The following USP45 variants were observed in gnomAD, a reference collection of about 807,000 sequenced individuals.
The protein encoded by USP45 is ubiquitin specific peptidase 45.
A neutral mutation model predicts 95.8 loss-of-function variants in USP45; 89 were observed. The ratio of observed to expected loss-of-function variants is 0.93; its 90% CI spans 0.78 to 1.11. USP45 has a LOEUF of 1.11. Ranked by LOEUF, USP45 falls within the 50% of genes least tolerant of loss-of-function variation. USP45 has a pLI of 0.00. For missense variants in USP45, 898 were observed against 942.5 expected (o/e 0.95, Z 0.62); for synonymous variants, 281 against 316.2 (o/e 0.89, Z 1.18).
At chr6:99,440,921 G>T (rs1781400976) in intron 15 of USP45, among the ~76,000 whole-genome samples, 1 of 152,084 alleles carries the variant, frequency 6.6e-6, no homozygotes, top group Non-Finnish European at 1.5e-5. Context: ...TTGCTGTTGA[G>T]AAACTACCCC....
intron 8 of USP45, among the ~76,000 whole-genome samples, chr6:99,479,412 G>A (rs1791758998): frequency 6.6e-6 from 1 of 151,378 alleles, no homozygotes; most frequent in African/African-American, 2.4e-5. Context: ...ATGTTGTCCT[G>A]GCTAGTCTCA....
intron 8 of USP45, among the ~76,000 whole-genome samples, chr6:99,476,703 G>A (rs1442469501): frequency 6.6e-6 from 1 of 152,184 alleles, no homozygotes; most frequent in Admixed American, 6.5e-5. Flanking sequence ...CAGCAGTATT[G>A]TTTAAATCAT....
intron 13 of USP45, chr6:99,462,400 A>G: frequency 4.1e-6 from 4 of 984,438 alleles, no homozygotes; most frequent in Non-Finnish European, 3.6e-6. Context: ...GGCCAGTACC[A>G]CAGAATCTCC....
At chr6:99,497,700 T>C (rs1413588597) in intron 5 of USP45, among the ~76,000 whole-genome samples, 3 of 152,196 alleles carry the variant, frequency 2.0e-5, no homozygotes, top group Non-Finnish European at 2.9e-5. Flanking sequence ...GCCACTTCTC[T>C]GCTTAAAACT....
At chr6:99,450,187 G>A in intron 13 of USP45, among the ~76,000 whole-genome samples, 1 of 151,922 alleles carries the variant, frequency 6.6e-6, no homozygotes, top group Non-Finnish European at 1.5e-5. Flanking sequence ...GATCAGAGCA[G>A]AACTGAAAGA....
chr6:99,443,617 A>G lies in USP45; in HGVS notation c.2021T>C (p.Leu674Pro). 6.2e-7 allele frequency: 1 copy of G among 1,609,234 alleles called. No homozygotes were observed. The highest frequency in any genetic ancestry group is 8.5e-7 in the Non-Finnish European group (1 of 1,177,274). ...GVYTNARKQL[L>P]ISAVPAVLIL... ...TAGGACAGCTGGAACAGCAGAAATG[A>G]GCAATTGCTTCCTGGCATTAGTATA... is the stretch of plus-strand genomic sequence containing the variant. Residue 674 changes from leucine to proline, a missense_variant, in exon 15 of 18, where the codon CTC (leucine) becomes CCC (proline). Transcript: ENST00000500704.
At chr6:99,441,929 T>C (rs1185719889) in intron 15 of USP45, among the ~76,000 whole-genome samples, 1 of 152,218 alleles carries the variant, frequency 6.6e-6, no homozygotes, top group Non-Finnish European at 1.5e-5. Context: ...CATTTAAGTG[T>C]TGTGGATGTT....
intron 7 of USP45, among the ~76,000 whole-genome samples, chr6:99,484,027 A>ATTTTTTTT (rs1295214435): frequency 7.0e-4 from 6 of 8,620 alleles, no homozygotes; most frequent in Non-Finnish European, 1.1e-3. Context: ...TTTTTTTTTA[A>ATTTTTTTT]AGAGACAGGG....
chr6:99,472,005 C>T (rs1210143160), intron 9 of USP45, among the ~76,000 whole-genome samples: 1 of 152,150 alleles, frequency 6.6e-6, no homozygotes, highest in Admixed American at 6.6e-5. Flanking sequence ...CTTTCAAAAC[C>T]AATGTGTCCT....
At chr6:99,464,772 C>A (rs1196031123) in intron 12 of USP45, 25 bp from the exon 13 acceptor site, 1 of 1,561,292 alleles carries the variant, frequency 6.4e-7, no homozygotes, top group Non-Finnish European at 8.6e-7. Context: ...CATACAGAAA[C>A]CAAAACCTCT....
intron 9 of USP45, among the ~76,000 whole-genome samples, chr6:99,470,107 T>C (rs1789026003): frequency 6.8e-6 from 1 of 147,746 alleles, no homozygotes; most frequent in African/African-American, 2.4e-5. Flanking sequence ...GTGACACCTA[T>C]ACATCAGATA....
chr6:99,508,015 GT>G (rs1292976334), intron 3 of USP45, among the ~76,000 whole-genome samples: 1 of 151,858 alleles, frequency 6.6e-6, no homozygotes, highest in Non-Finnish European at 1.5e-5. Context: ...TTTTTTGTTT[GT>G]TTTTTAAGAG....
At chr6:99,500,721 A>C (rs1583417963) in intron 5 of USP45, among the ~76,000 whole-genome samples, 1 of 152,190 alleles carries the variant, frequency 6.6e-6, no homozygotes, top group Non-Finnish European at 1.5e-5. Context: ...CAAGTCTTTC[A>C]CCACCATATT....
Position 99,446,346 on chromosome 6 carries a change from T to C in USP45, c.1426A>G (p.Met476Val), listed in dbSNP as rs777114994. Residue 476 changes from methionine to valine, a missense_variant, in exon 14 of 18, where the codon ATG becomes GTG. Transcript: ENST00000500704. ...TCATTCAGACGTGACTCAGAATTCA[T>C]GAGGCTGGCAAACATTAAAGAATCC... ...NGDSLMFASL[M>V]NSESRLNESP... 15 of 1,614,106 alleles carry C rather than the reference T, an allele frequency of 9.3e-6. No homozygotes were observed. In the African/African-American group the frequency reaches 1.5e-4, roughly 16 times the overall value.
At chr6:99,436,865 C>T (rs779200621) in intron 17 of USP45, among the ~76,000 whole-genome samples, 8 of 151,832 alleles carry the variant, frequency 5.3e-5, no homozygotes, top group Non-Finnish European at 8.8e-5. Context: ...TTTGGGAGGC[C>T]GAGGCGGGCA....
intron 7 of USP45, 31 bp from the exon 8 acceptor site, chr6:99,482,914 A>C (rs748575606): frequency 2.1e-6 from 3 of 1,425,546 alleles, no homozygotes; most frequent in Non-Finnish European, 1.8e-6. Context: ...CTATGTCAGA[A>C]ATGTACAATT....
At chr6:99,443,532 G>T in intron 15 of USP45, 33 bp downstream of exon 15, 1 of 1,462,650 alleles carries the variant, frequency 6.8e-7, no homozygotes, top group Non-Finnish European at 9.5e-7. Context: ...TAAAACACAT[G>T]ATGAAAATTA....
chr6:99,485,264 G>C (rs1793600967), intron 7 of USP45, among the ~76,000 whole-genome samples: 1 of 151,786 alleles, frequency 6.6e-6, no homozygotes, highest in South Asian at 2.1e-4. Context: ...AGAACTGCTT[G>C]AACCTACGAG....
intron 5 of USP45, among the ~76,000 whole-genome samples, chr6:99,495,217 A>C (rs989677229): frequency 2.0e-5 from 3 of 152,240 alleles, no homozygotes; most frequent in Non-Finnish European, 4.4e-5. Context: ...AATTCCAAAA[A>C]AATTTCACCT....
Sources: allele counts gnomAD v4.1 joint callset (sites outside exome capture counted in the v4.1 genomes callset), GRCh38; gene constraint gnomAD v4.1.1; transcripts MANE v1.5; gene names NCBI Gene and HGNC (gene_info 2026-07-23, HGNC 2026-07-21).